The following EFCAB7 variants were observed in gnomAD, a reference collection of about 807,000 sequenced individuals.
The protein encoded by EFCAB7 is EF-hand calcium-binding domain-containing protein 7.
In EFCAB7, 66 loss-of-function variants were observed where a neutral mutation model predicts 77.1. The ratio of observed to expected loss-of-function variants is 0.86; its 90% CI spans 0.70 to 1.05. The LOEUF is 1.05. EFCAB7 is among the 50% of genes least tolerant of loss of function. The pLI is 0.00. For missense variants in EFCAB7, 638 were observed against 730.5 expected, an observed-to-expected ratio of 0.87 and a Z score of 1.46; for synonymous variants, 225 against 243.3, an observed-to-expected ratio of 0.92 and a Z score of 0.70.
chr1:63,537,048 C>T (rs1177632688), intron 6 of EFCAB7, among the ~76,000 whole-genome samples: 2 of 152,142 alleles, frequency 1.3e-5, no homozygotes, highest in Admixed American at 6.6e-5. Context: ...CAAAACCACA[C>T]AATTGGTAAA....
At chr1:63,527,609 T>C (rs185968752) in intron 2 of EFCAB7, among the ~76,000 whole-genome samples, 1 of 152,206 alleles carries the variant, frequency 6.6e-6, no homozygotes, top group Non-Finnish European at 1.5e-5. Flanking sequence ...TATCTACAGC[T>C]ACGTGATATT....
At position 63,531,993 on chromosome 1, in the gene EFCAB7, T is replaced by A. The variant is rs1301639114; in HGVS notation, c.361T>A (p.Cys121Ser). ...GCAATTAGATGTAAATGATGATGGC[T>A]GTATTTTACACACTGACCTTTATAA... ...FKQLDVNDDG[C>S]ILHTDLYKFL... The change falls in exon 3 of 14, where the codon TGT (cysteine) becomes AGT (serine). Residue 121 changes from cysteine to serine, a missense_variant. Cys to Ser is a moderately radical substitution (Grantham distance 112, BLOSUM62 -1). Coordinates refer to ENST00000371088, the MANE Select transcript of EFCAB7 (RefSeq NM_032437.4). The A allele has an allele frequency of 1.9e-6, 3 of 1,611,828 alleles. No individual in the cohort carries two copies. The highest frequency in any genetic ancestry group is 2.5e-6 in the Non-Finnish European group (3 of 1,178,514).
chr1:63,570,573 C>T (rs1297888458), intron 12 of EFCAB7: 1 of 152,474 alleles, frequency 6.6e-6, no homozygotes, highest in African/African-American at 2.4e-5. Flanking sequence ...AAAACAATGC[C>T]TGATACAAAG....
At chr1:63,564,966 A>C (rs558582366) in intron 11 of EFCAB7, among the ~76,000 whole-genome samples, 1 of 152,242 alleles carries the variant, frequency 6.6e-6, no homozygotes, top group Non-Finnish European at 1.5e-5. Flanking sequence ...TGGGAAAAGG[A>C]TTCTCTATTC....
Position 63,534,166 on chromosome 1 carries a change from G to A in EFCAB7, c.754G>A (p.Gly252Arg), listed in dbSNP as rs1205132442. The change falls in exon 6 of 14, where the codon GGG (glycine) becomes AGG (arginine). Residue 252 changes from glycine to arginine, a missense_variant. By Grantham distance (125) the Gly-to-Arg change is moderately radical (BLOSUM62 -2). Coordinates refer to ENST00000371088, the MANE Select transcript of EFCAB7 (RefSeq NM_032437.4). ...KTSVSFTVTM[G>R]ANGNRNSKLM... is the part of the protein sequence containing the mutation. ...ATCTGTTTCCTTCACAGTTACCATG[G>A]GGGCTAATGGTAACCGAAACTCAAA... The A allele has an allele frequency of 1.2e-6, 2 of 1,613,016 alleles. No individual in the cohort carries two copies. Among genetic ancestry groups the A allele is most frequent in the Non-Finnish European group, 1.7e-6 (2 of 1,179,344 alleles).
intron 11 of EFCAB7, among the ~76,000 whole-genome samples, chr1:63,565,006 C>T (rs1050402886): frequency 1.3e-5 from 2 of 152,144 alleles, no homozygotes; most frequent in Non-Finnish European, 2.9e-5. Context: ...AACTGGCTAG[C>T]CATATGCAGA....
chr1:63,571,359 C>G (rs561411029), intron 13 of EFCAB7, among the ~76,000 whole-genome samples: 1 of 152,206 alleles, frequency 6.6e-6, no homozygotes, highest in South Asian at 2.1e-4. Context: ...ATGTTCCAGT[C>G]TCTCTAAATG....
chr1:63,582,850 C>A, the EFCAB7 span, among the ~76,000 whole-genome samples: 1 of 152,194 alleles, frequency 6.6e-6, no homozygotes, highest in African/African-American at 2.4e-5. Flanking sequence ...GGTAATCCAC[C>A]CACCTCGGCC....
At chr1:63,565,568 G>C (rs1647161432) in intron 11 of EFCAB7, among the ~76,000 whole-genome samples, 1 of 152,218 alleles carries the variant, frequency 6.6e-6, no homozygotes, top group African/African-American at 2.4e-5. Context: ...TGCAGCAAAA[G>C]AAACTATCAA....
chr1:63,525,532 C>T, intron 1 of EFCAB7, 40 bp from the exon 2 acceptor site: 3 of 1,398,060 alleles, frequency 2.1e-6, no homozygotes, highest in Middle Eastern at 1.9e-4. Context: ...GTTTTAGTGA[C>T]TCACATTGAC....
chr1:63,536,248 C>T (rs540312786), intron 6 of EFCAB7, among the ~76,000 whole-genome samples: 10 of 152,198 alleles, frequency 6.6e-5, no homozygotes, highest in East Asian at 5.8e-4. Flanking sequence ...TATCCTGTTT[C>T]GGATCTTGAT....
At chr1:63,575,023 A>G (rs996088701), downstream of EFCAB7, among the ~76,000 whole-genome samples, 15 of 152,198 alleles carry the variant, frequency 9.9e-5, no homozygotes, top group Non-Finnish European at 1.8e-4. Context: ...TAAAACTAGA[A>G]ATATAAAAAT....
At chr1:63,557,843 G>A (rs983988766) in intron 10 of EFCAB7, among the ~76,000 whole-genome samples, 3 of 152,120 alleles carry the variant, frequency 2.0e-5, no homozygotes, top group African/African-American at 7.2e-5. Flanking sequence ...CCCCAAGGTC[G>A]AGGGAAAACC....
intron 10 of EFCAB7, among the ~76,000 whole-genome samples, chr1:63,558,403 C>A (rs1038131203): frequency 6.6e-6 from 1 of 152,128 alleles, no homozygotes; most frequent in Non-Finnish European, 1.5e-5. Context: ...TTCTACACAC[C>A]AACTCTATGA....
intron 8 of EFCAB7, 149 bp downstream of exon 8, chr1:63,551,983 GT>G (rs1299611140): frequency 3.8e-6 from 1 of 261,660 alleles, no homozygotes; most frequent in Admixed American, 5.3e-5. Flanking sequence ...GATATTATAT[GT>G]TTTTAATTTA....
At chr1:63,571,401 C>T (rs111675840) in intron 13 of EFCAB7, among the ~76,000 whole-genome samples, 8 of 152,136 alleles carry the variant, frequency 5.3e-5, no homozygotes, top group South Asian at 2.1e-4. Context: ...AGGCCGGGCA[C>T]GGTGGCTCAC....
intron 11 of EFCAB7, among the ~76,000 whole-genome samples, chr1:63,566,618 A>C (rs1266702010): frequency 6.6e-6 from 1 of 152,134 alleles, no homozygotes; most frequent in African/African-American, 2.4e-5. Flanking sequence ...GATAATCATG[A>C]CTTAAAAAAT....
intron 2 of EFCAB7, among the ~76,000 whole-genome samples, chr1:63,530,645 A>C (rs1392047959): frequency 1.3e-5 from 2 of 152,202 alleles, no homozygotes; most frequent in South Asian, 4.1e-4. Flanking sequence ...TAGTTTGACC[A>C]TAGCATCTCT....
the EFCAB7 span, among the ~76,000 whole-genome samples, chr1:63,582,432 C>T: frequency 3.3e-5 from 5 of 152,292 alleles, no homozygotes; most frequent in South Asian, 8.3e-4. Context: ...TTCATAACAC[C>T]GTTGCTGCAG....
Sources: gnomAD v4.1 joint callset for allele counts (sites outside exome capture counted in the v4.1 genomes callset) on GRCh38, gnomAD v4.1.1 for gene constraint, MANE v1.5 for transcripts, NCBI Gene and HGNC (gene_info 2026-07-23, HGNC 2026-07-21) for gene names.